Variants in TRMT11 observed in about 807,000 individuals in gnomAD.
The protein encoded by TRMT11 is tRNA methyltransferase 11.
TRMT11 carries 53 observed loss-of-function variants against 62.8 expected under a neutral mutation model. The observed-to-expected ratio is 0.84, with a 90% CI of 0.68 to 1.06. TRMT11 has a LOEUF of 1.06. Among genes scored for constraint, TRMT11 ranks in the 50% least tolerant of loss-of-function variants. The pLI, the probability that TRMT11 is intolerant of heterozygous loss-of-function variation, is 0.00. For synonymous variants in TRMT11, 188 were observed against 190.3 expected (o/e 0.99, Z 0.10); for missense variants, 556 against 553.4 (o/e 1.00, Z -0.05).
At chr6:126,075,658 C>A (rs1033845116) in intron 17 of TRMT11, among the ~76,000 whole-genome samples, 1 of 152,048 alleles carries the variant, frequency 6.6e-6, no homozygotes, top group African/African-American at 2.4e-5. Flanking sequence ...TCAGGTAGAT[C>A]TTTATAGTAA....
At chr6:126,223,291 G>A in the TRMT11 span, among the ~76,000 whole-genome samples, 1,291 of 152,052 alleles carry the variant, frequency 8.5e-3, 24 homozygotes, top group African/African-American at 0.03. Context: ...CATGGTGGTG[G>A]GCGCCTGTAG....
At chr6:126,036,842 G>C (rs111434732) in intron 12 of TRMT11, among the ~76,000 whole-genome samples, 1 of 152,046 alleles carries the variant, frequency 6.6e-6, no homozygotes, top group African/African-American at 2.4e-5. Context: ...ACATTGTTCT[G>C]TGTTGCCGTT....
the TRMT11 span, among the ~76,000 whole-genome samples, chr6:126,244,821 G>A: frequency 2.0e-5 from 3 of 152,174 alleles, no homozygotes; most frequent in Non-Finnish European, 2.9e-5. Context: ...GGTTAAAAAC[G>A]TGGGTTTTGG....
At chr6:126,086,376 G>A (rs969623091) in intron 17 of TRMT11, among the ~76,000 whole-genome samples, 9 of 152,128 alleles carry the variant, frequency 5.9e-5, no homozygotes, top group African/African-American at 2.2e-4. Context: ...GCTAGAAACC[G>A]AGATAACATT....
At chr6:126,002,742 TTTA>T (rs1792719469) in intron 7 of TRMT11, among the ~76,000 whole-genome samples, 1 of 152,110 alleles carries the variant, frequency 6.6e-6, no homozygotes, top group Non-Finnish European at 1.5e-5. Context: ...GAGATGTCAC[TTTA>T]CCTTTATAAC....
chr6:126,221,955 A>C, the TRMT11 span, among the ~76,000 whole-genome samples: 1 of 152,186 alleles, frequency 6.6e-6, no homozygotes, highest in Non-Finnish European at 1.5e-5. Flanking sequence ...TTTTACATTT[A>C]AGTCTTTAAT....
the TRMT11 span, among the ~76,000 whole-genome samples, chr6:126,256,373 C>CA: frequency 6.6e-6 from 1 of 152,206 alleles, no homozygotes; most frequent in Admixed American, 6.5e-5. Context: ...TCAATGGTCA[C>CA]ATCTCTTCCA....
chr6:126,183,561 GC>G (rs1778492501), intron 1 of TRMT11, among the ~76,000 whole-genome samples: 1 of 152,098 alleles, frequency 6.6e-6, no homozygotes, highest in African/African-American at 2.4e-5. Context: ...AGAGTGGAGG[GC>G]CTTTTAAAGA....
intron 11 of TRMT11, 78 bp downstream of exon 11, chr6:126,013,179 C>G: frequency 7.5e-7 from 1 of 1,328,086 alleles, no homozygotes; most frequent in Non-Finnish European, 1.0e-6. Context: ...CTCTTTATCT[C>G]TTCTTGCATT....
intron 17 of TRMT11, among the ~76,000 whole-genome samples, chr6:126,094,143 G>A (rs1026739808): frequency 6.6e-6 from 1 of 151,884 alleles, no homozygotes; most frequent in African/African-American, 2.4e-5. Flanking sequence ...TCTTATTGCT[G>A]TTGGCTCTGA....
intron 12 of TRMT11, among the ~76,000 whole-genome samples, chr6:126,029,876 A>G (rs751406606): frequency 2.6e-5 from 4 of 152,168 alleles, no homozygotes; most frequent in Non-Finnish European, 5.9e-5. Context: ...AAGGACTAAT[A>G]TCCCCAATGT....
At chr6:126,008,667 A>G in intron 8 of TRMT11, 195 bp downstream of exon 8, 1 of 696,838 alleles carries the variant, frequency 1.4e-6, no homozygotes, top group Non-Finnish European at 2.6e-6. Flanking sequence ...CCTGCTCAAC[A>G]TGAAGGTGAT....
At chr6:125,989,378 A>T (rs1459530997) in intron 1 of TRMT11, among the ~76,000 whole-genome samples, 1 of 152,032 alleles carries the variant, frequency 6.6e-6, no homozygotes, top group African/African-American at 2.4e-5. Flanking sequence ...CGACTGCCTC[A>T]TGCTGGGATT....
intron 17 of TRMT11, among the ~76,000 whole-genome samples, chr6:126,072,689 A>G (rs1776893401): frequency 6.6e-6 from 1 of 152,198 alleles, no homozygotes; most frequent in Non-Finnish European, 1.5e-5. Context: ...TGGAGGCTGG[A>G]AAGTCCAAGA....
chr6:126,113,329 A>G (rs1777552544), intron 18 of TRMT11, among the ~76,000 whole-genome samples: 2 of 152,090 alleles, frequency 1.3e-5, no homozygotes, highest in Admixed American at 6.6e-5. Context: ...TTCTATTTAT[A>G]AATCAAAAAC....
intron 12 of TRMT11, among the ~76,000 whole-genome samples, chr6:126,034,416 G>T (rs555841387): frequency 6.6e-6 from 1 of 152,180 alleles, no homozygotes; most frequent in South Asian, 2.1e-4. Flanking sequence ...TGTCTTAAAA[G>T]GATAAATGAT....
At chr6:126,051,482 G>T (rs1402286385) in intron 16 of TRMT11, among the ~76,000 whole-genome samples, 1 of 152,182 alleles carries the variant, frequency 6.6e-6, no homozygotes, top group Non-Finnish European at 1.5e-5. Context: ...ATTTTCACTA[G>T]GGAAGCCATA....
At chr6:126,269,833 G>A in the TRMT11 span, among the ~76,000 whole-genome samples, 2 of 152,128 alleles carry the variant, frequency 1.3e-5, no homozygotes, top group Admixed American at 1.3e-4. Flanking sequence ...TAAGAAAGAT[G>A]GAGGAATAAG....
At chr6:126,262,295 A>G in the TRMT11 span, among the ~76,000 whole-genome samples, 1 of 152,198 alleles carries the variant, frequency 6.6e-6, no homozygotes, top group Non-Finnish European at 1.5e-5. Flanking sequence ...CAGGTGTACA[A>G]CATGAGTTCA....
Sources: gnomAD v4.1 joint callset for allele counts (sites outside exome capture counted in the v4.1 genomes callset) on GRCh38, gnomAD v4.1.1 for gene constraint, MANE v1.5 for transcripts, NCBI Gene and HGNC (gene_info 2026-07-23, HGNC 2026-07-21) for gene names.